GNG12: variants seen among roughly 807,000 people sequenced by gnomAD.
The protein encoded by GNG12 is G protein subunit gamma 12, also known as guanine nucleotide-binding protein G(I)/G(S)/G(O) subunit gamma-12.
For synonymous variants in GNG12, 28 were observed against 29.7 expected, an observed-to-expected ratio of 0.94 and a Z score of 0.19; for missense variants, 69 against 83.8, an observed-to-expected ratio of 0.82 and a Z score of 0.69.
intron 2 of GNG12, among the ~76,000 whole-genome samples, chr1:67,748,522 G>C (rs1160257251): frequency 6.6e-6 from 1 of 152,176 alleles, no homozygotes; most frequent in Non-Finnish European, 1.5e-5. Context: ...GTGCTTGGGG[G>C]GATAAGAAGA....
intron 1 of GNG12, among the ~76,000 whole-genome samples, chr1:67,785,961 C>T (rs12568833): frequency 6.6e-6 from 1 of 152,092 alleles, no homozygotes; most frequent in Admixed American, 6.6e-5. Flanking sequence ...CACACAAGTA[C>T]TAAAGTCTTG....
At chr1:67,810,502 G>A (rs1239587460) in intron 1 of GNG12, among the ~76,000 whole-genome samples, 14 of 152,264 alleles carry the variant, frequency 9.2e-5, no homozygotes, top group Admixed American at 5.9e-4. Context: ...CTATGCATAG[G>A]CACAGTGGGT....
At chr1:67,810,121 CAG>C (rs1646915327) in intron 1 of GNG12, among the ~76,000 whole-genome samples, 1 of 152,062 alleles carries the variant, frequency 6.6e-6, no homozygotes, top group Non-Finnish European at 1.5e-5. Flanking sequence ...TTAAAAGACA[CAG>C]AGGAAACTTA....
intron 1 of GNG12, among the ~76,000 whole-genome samples, chr1:67,784,898 C>T (rs1364030317): frequency 7.2e-5 from 11 of 152,276 alleles, no homozygotes; most frequent in Non-Finnish European, 1.2e-4. Context: ...TTTATATCCA[C>T]GCTGATCATC....
intron 2 of GNG12, among the ~76,000 whole-genome samples, chr1:67,771,882 A>G (rs1288154295): frequency 6.6e-6 from 1 of 152,228 alleles, no homozygotes; most frequent in Non-Finnish European, 1.5e-5. Flanking sequence ...ATGATTGTGG[A>G]AAGTTTACAT....
intron 2 of GNG12, among the ~76,000 whole-genome samples, chr1:67,757,638 T>C (rs904783669): frequency 6.6e-6 from 1 of 152,162 alleles, no homozygotes; most frequent in Non-Finnish European, 1.5e-5. Context: ...CCTCCTGCCT[T>C]CCGGGGGACC....
At position 67,704,478 on chromosome 1, in the gene GNG12, A is replaced by G. The variant is rs780519511; in HGVS notation, c.*973T>C. Reference sequence around the variant, plus strand: ...TCAATCACAAAGCTGGGACAAGGAGAGCAGCTGTTTTTCACACATTCCTGC... The same window carrying G: ...TCAATCACAAAGCTGGGACAAGGAGGGCAGCTGTTTTTCACACATTCCTGC... On this transcript the variant is annotated 3_prime_UTR_variant, in exon 4 of 4. Transcript: ENST00000370982. 6.6e-6 allele frequency: 1 copy of G among 152,490 alleles called. No individual in the cohort carries two copies. The highest frequency in any genetic ancestry group is 1.9e-4 in the East Asian group (1 of 5,194). 9.4% of individuals were successfully genotyped at this position (152,490 alleles called of 1,614,324 possible).
At chr1:67,707,559 C>T in intron 3 of GNG12, 35 bp downstream of exon 3, 1 of 1,086,508 alleles carries the variant, frequency 9.2e-7, no homozygotes, top group South Asian at 1.3e-5. Context: ...GGGAACTGAG[C>T]AGAAAGCATA....
chr1:67,730,395 G>A (rs1646412050), intron 2 of GNG12, among the ~76,000 whole-genome samples: 1 of 152,170 alleles, frequency 6.6e-6, no homozygotes, highest in African/African-American at 2.4e-5. Flanking sequence ...CAGCTACTCG[G>A]GAGGCTGAGG....
chr1:67,725,696 T>TA (rs1646381048), intron 2 of GNG12, among the ~76,000 whole-genome samples: 2 of 152,196 alleles, frequency 1.3e-5, no homozygotes. Context: ...GCAAGCCATT[T>TA]AAAGTCCAAA....
At chr1:67,723,113 C>A (rs1646365181) in intron 2 of GNG12, among the ~76,000 whole-genome samples, 1 of 152,044 alleles carries the variant, frequency 6.6e-6, no homozygotes, top group African/African-American at 2.4e-5. Flanking sequence ...AATTACAATG[C>A]AAAAAATTTT....
At chr1:67,804,488 C>A (rs1262958344) in intron 1 of GNG12, among the ~76,000 whole-genome samples, 1 of 152,086 alleles carries the variant, frequency 6.6e-6, no homozygotes, top group Non-Finnish European at 1.5e-5. Flanking sequence ...GTGTCTTTAT[C>A]ATAAAAATGC....
At chr1:67,707,241 C>A (rs1646254769) in intron 3 of GNG12, among the ~76,000 whole-genome samples, 1 of 152,190 alleles carries the variant, frequency 6.6e-6, no homozygotes, top group Admixed American at 6.5e-5. Flanking sequence ...AATTCTAGAA[C>A]ACTTAAATTC....
At chr1:67,809,012 C>T (rs2100806468) in intron 1 of GNG12, among the ~76,000 whole-genome samples, 1 of 152,224 alleles carries the variant, frequency 6.6e-6, no homozygotes, top group Middle Eastern at 3.4e-3. Context: ...AGTTGGAGGA[C>T]TGACACCACT....
chr1:67,805,470 G>GT (rs1241851019), intron 1 of GNG12, among the ~76,000 whole-genome samples: 3 of 152,158 alleles, frequency 2.0e-5, no homozygotes, highest in African/African-American at 7.2e-5. Context: ...GATGAATAAT[G>GT]TAAGTAGAAA....
At chr1:67,819,188 TAGGGAGAGATGAA>T (rs1646971945) in intron 1 of GNG12, among the ~76,000 whole-genome samples, 1 of 151,874 alleles carries the variant, frequency 6.6e-6, no homozygotes, top group South Asian at 2.1e-4. Flanking sequence ...GTGTCCAAGC[TAGGGAGAGATGAA>T]GGGGAGGGAG....
chr1:67,831,316 A>G (rs1570583752), intron 1 of GNG12, among the ~76,000 whole-genome samples: 1 of 152,234 alleles, frequency 6.6e-6, no homozygotes, highest in Admixed American at 6.5e-5. Flanking sequence ...ACTTTAATAA[A>G]CCACCGATAT....
chr1:67,794,822 C>T (rs1039300643), intron 1 of GNG12, among the ~76,000 whole-genome samples: 10 of 152,230 alleles, frequency 6.6e-5, no homozygotes, highest in East Asian at 5.8e-4. Context: ...AGAGGCCCTT[C>T]GGCTTTCTCA....
intron 2 of GNG12, among the ~76,000 whole-genome samples, chr1:67,741,882 C>T (rs1345485062): frequency 6.6e-6 from 1 of 152,190 alleles, no homozygotes; most frequent in Non-Finnish European, 1.5e-5. Flanking sequence ...ACATAAAGCA[C>T]ATTCCCATGT....
Sources: gnomAD v4.1 joint callset for allele counts (sites outside exome capture counted in the v4.1 genomes callset) on GRCh38, gnomAD v4.1.1 for gene constraint, MANE v1.5 for transcripts, NCBI Gene and HGNC (gene_info 2026-07-23, HGNC 2026-07-21) for gene names.